The following GLB1 variants were observed in gnomAD, a reference collection of about 807,000 sequenced individuals.
GLB1 encodes the protein galactosidase beta 1, also known as beta-galactosidase.
A neutral mutation model predicts 74.0 loss-of-function variants in GLB1; 56 were observed. The ratio of observed to expected loss-of-function variants is 0.76; its 90% CI spans 0.61 to 0.94. The LOEUF is 0.94. Among genes scored for constraint, GLB1 ranks in the 40% least tolerant of loss-of-function variants. GLB1 has a pLI of 0.00. For synonymous variants in GLB1, 323 were observed against 323.6 expected (o/e 1.00, Z 0.02); for missense variants, 787 against 845.5 (o/e 0.93, Z 0.86).
rs373601616 is a variant in GLB1, at chr3:33,018,436, G to A, written c.1347+12C>T. ...ACTGGGACAAAACGCACAGTTCAGAGACGATTCTTACCCCATCCACAGCAA... is the reference window on the plus strand; with the variant it reads ...ACTGGGACAAAACGCACAGTTCAGAAACGATTCTTACCCCATCCACAGCAA... On this transcript the variant is annotated intron_variant, in intron 13 of 15. Coordinates refer to ENST00000307363, the MANE Select transcript of GLB1 (RefSeq NM_000404.4). 3.1e-6 allele frequency: 5 copies of A among 1,613,112 alleles called. No individual in the cohort carries two copies. The African/African-American group carries it at 4.0e-5, about 13-fold the overall frequency.
chr3:33,092,947 C>G (rs1434334861), intron 1 of GLB1: 1 of 1,614,066 alleles, frequency 6.2e-7, no homozygotes, highest in East Asian at 2.2e-5. Flanking sequence ...GCCTGGGCCA[C>G]CTGGTAGAGA....
chr3:33,083,163 C>T (rs1029617930), intron 1 of GLB1, among the ~76,000 whole-genome samples: 3 of 151,906 alleles, frequency 2.0e-5, no homozygotes, highest in African/African-American at 7.3e-5. Flanking sequence ...TTTGGGAGGC[C>T]GAGGCAGGTG....
At chr3:32,975,647 C>T in the GLB1 span, among the ~76,000 whole-genome samples, 1 of 152,076 alleles carries the variant, frequency 6.6e-6, no homozygotes, top group Non-Finnish European at 1.5e-5. Flanking sequence ...TATTTACAAA[C>T]AAATAGAAAA....
rs1370897301 is a variant in GLB1, at chr3:33,072,608, G to A, written c.181C>T (p.Pro61Ser). The A allele has an allele frequency of 1.2e-6, 2 of 1,614,078 alleles. No homozygotes were observed. The highest frequency in any genetic ancestry group is 1.7e-5 in the Admixed American group (1 of 60,012). ...AGCCGGTCCTTCCAGTAGAAGCGGG[G>A]CACACGGGAGTAGTGAATGCTTCCT... ...ISGSIHYSRV[P>S]RFYWKDRLLK... The change falls in exon 2 of 16, where the codon CCC (proline) becomes TCC (serine). Residue 61 changes from proline to serine, a missense_variant. Transcript: ENST00000307363.
At chr3:33,021,066 G>T (rs1281539276) in intron 12 of GLB1, among the ~76,000 whole-genome samples, 1 of 137,594 alleles carries the variant, frequency 7.3e-6, no homozygotes, top group Non-Finnish European at 1.5e-5. Context: ...AGTGTCTGGA[G>T]ATCAAACACA....
intron 1 of GLB1, among the ~76,000 whole-genome samples, chr3:33,080,913 GA>G (rs1700299177): frequency 1.3e-5 from 2 of 152,320 alleles, no homozygotes; most frequent in Admixed American, 1.3e-4. Flanking sequence ...CAAATAGCAA[GA>G]ACCTTATAGC....
At chr3:33,022,564 A>AGTTTTTTTTTTTTTTTTT (rs1697537822) in intron 11 of GLB1, among the ~76,000 whole-genome samples, 1 of 63,746 alleles carries the variant, frequency 1.6e-5, no homozygotes, top group South Asian at 1.1e-3. Context: ...ACTGGTTAGG[A>AGTTTTTTTTTTTTTTTTT]TTTTTTTTTT....
At chr3:33,054,424 C>T (rs1303831633) in intron 6 of GLB1, among the ~76,000 whole-genome samples, 1 of 152,110 alleles carries the variant, frequency 6.6e-6, no homozygotes, top group African/African-American at 2.4e-5. Context: ...CAAGAGTTCC[C>T]TTCACAGGCC....
chr3:32,996,118 C>T (rs1213573862), downstream of GLB1, among the ~76,000 whole-genome samples: 1 of 152,146 alleles, frequency 6.6e-6, no homozygotes, highest in Non-Finnish European at 1.5e-5. Flanking sequence ...CAGTATATTC[C>T]TCAGTGTTCT....
At chr3:33,049,344 C>T (rs898752910) in intron 9 of GLB1, among the ~76,000 whole-genome samples, 4 of 134,664 alleles carry the variant, frequency 3.0e-5, no homozygotes, top group Admixed American at 1.4e-4. Flanking sequence ...ATGTGCAGGA[C>T]GTGTAGGTTT....
At chr3:33,021,748 G>T in intron 11 of GLB1, 93 bp from the exon 12 acceptor site, 1 of 1,429,666 alleles carries the variant, frequency 7.0e-7, no homozygotes, top group Non-Finnish European at 9.6e-7. Context: ...ACATCAGTGG[G>T]TTTGACCAAA....
chr3:33,096,535 G>A (rs770592734), intron 1 of GLB1: 30 of 985,168 alleles, frequency 3.0e-5, no homozygotes, highest in South Asian at 4.7e-5. Context: ...CACCCAGAGG[G>A]GAAATAACCC....
chr3:32,962,193 T>TAA, the GLB1 span, among the ~76,000 whole-genome samples: 2,118 of 148,720 alleles, frequency 0.014, 42 homozygotes, highest in African/African-American at 0.033. Flanking sequence ...GACTACATAT[T>TAA]AAAAAAAAAA....
At chr3:32,972,693 C>T in the GLB1 span, among the ~76,000 whole-genome samples, 1 of 152,070 alleles carries the variant, frequency 6.6e-6, no homozygotes, top group African/African-American at 2.4e-5. Context: ...GAGGAGGTGG[C>T]AAATAATGGT....
At chr3:33,091,564 G>C (rs1006093696) in intron 1 of GLB1, 14 of 985,448 alleles carry the variant, frequency 1.4e-5, no homozygotes, top group Middle Eastern at 1.0e-3. Context: ...AGTGTTTACT[G>C]TGCACGCTGT....
chr3:33,075,272 G>A (rs750141377), intron 1 of GLB1, among the ~76,000 whole-genome samples: 1 of 152,192 alleles, frequency 6.6e-6, no homozygotes, highest in African/African-American at 2.4e-5. Context: ...AGGAGGCCAA[G>A]CAACTACTGG....
intron 2 of GLB1, among the ~76,000 whole-genome samples, chr3:33,072,098 C>G (rs766688850): frequency 6.6e-6 from 1 of 152,200 alleles, no homozygotes; most frequent in African/African-American, 2.4e-5. Context: ...TACAGCCATA[C>G]CTGTGCTACA....
chr3:33,019,569 C>G (rs1392896367), intron 12 of GLB1, among the ~76,000 whole-genome samples: 1 of 152,156 alleles, frequency 6.6e-6, no homozygotes, highest in African/African-American at 2.4e-5. Context: ...GAGCACTAAT[C>G]CACCTTCCTG....
At chr3:33,011,719 A>C (rs1697037884) in intron 15 of GLB1, among the ~76,000 whole-genome samples, 1 of 152,126 alleles carries the variant, frequency 6.6e-6, no homozygotes, top group East Asian at 1.9e-4. Context: ...GCAACACATA[A>C]ATAAATAAAA....
Sources: allele counts gnomAD v4.1 joint callset (sites outside exome capture counted in the v4.1 genomes callset), GRCh38; gene constraint gnomAD v4.1.1; transcripts MANE v1.5; gene names NCBI Gene and HGNC (gene_info 2026-07-23, HGNC 2026-07-21).